Variants in EIF4E observed in about 807,000 individuals in gnomAD.
EIF4E encodes eukaryotic translation initiation factor 4E, also known as eIF-4F 25 kDa subunit.
For synonymous variants in EIF4E, 71 were observed against 88.5 expected, an observed-to-expected ratio of 0.80 and a Z score of 1.11; for missense variants, 113 against 265.6, an observed-to-expected ratio of 0.43 and a Z score of 3.99.
At chr4:98,889,340 G>A (rs72692634) in intron 3 of EIF4E, among the ~76,000 whole-genome samples, 2,050 of 152,002 alleles carry the variant, frequency 0.013, 15 homozygotes, top group Non-Finnish European at 0.018. Context: ...AAAAAAGACG[G>A]GATACTAAGT....
intron 1 of EIF4E, 80 bp from the exon 2 acceptor site, chr4:98,902,062 G>A: frequency 7.5e-7 from 1 of 1,337,684 alleles, no homozygotes; most frequent in Non-Finnish European, 1.1e-6. Context: ...AACCTGAACT[G>A]ATATGCTGAT....
chr4:98,924,919 A>G (rs1414456259), intron 1 of EIF4E, among the ~76,000 whole-genome samples: 1 of 152,150 alleles, frequency 6.6e-6, no homozygotes, highest in Non-Finnish European at 1.5e-5. Context: ...TTTTAATTGA[A>G]GAAATCTGGA....
chr4:98,898,543 G>A (rs1292972846), intron 2 of EIF4E, among the ~76,000 whole-genome samples: 3 of 151,628 alleles, frequency 2.0e-5, no homozygotes, highest in Non-Finnish European at 4.4e-5. Flanking sequence ...GGGAGGTGGA[G>A]GTCCAGCCTG....
intron 2 of EIF4E, chr4:98,895,272 C>A (rs1180716329): frequency 6.6e-6 from 1 of 152,182 alleles, no homozygotes; most frequent in Admixed American, 6.5e-5. Flanking sequence ...CACAAACCTT[C>A]AATTTATAGA....
intron 1 of EIF4E, among the ~76,000 whole-genome samples, chr4:98,927,166 AC>A (rs555711422): frequency 5.7e-4 from 87 of 152,342 alleles, no homozygotes; most frequent in African/African-American, 2.0e-3. Context: ...AAGTCAGTTA[AC>A]TGTAGCAACA....
intron 2 of EIF4E, among the ~76,000 whole-genome samples, chr4:98,893,510 T>C (rs759570385): frequency 1.3e-5 from 2 of 152,248 alleles, no homozygotes; most frequent in Non-Finnish European, 2.9e-5. Flanking sequence ...ACTTCAACAA[T>C]GTTCACAGCA....
At position 98,924,640 on chromosome 4, in the gene EIF4E, C is replaced by G. The variant is rs1223484146; in HGVS notation, c.18+4455G>C. On this transcript the variant is annotated intron_variant, in intron 1 of 6. Coordinates refer to ENST00000450253, the MANE Select transcript of EIF4E (RefSeq NM_001968.5). ...ATGGAGTCTTGCTCTGTCGCCCAGGCTGAAGTACAGTGGTACCATCTCGGT... is the reference window on the plus strand; with the variant it reads ...ATGGAGTCTTGCTCTGTCGCCCAGGGTGAAGTACAGTGGTACCATCTCGGT... Among the ~76,000 whole-genome samples, 10 of 151,902 alleles carry G rather than the reference C, an allele frequency of 6.6e-5. No homozygotes were observed. In the East Asian group the frequency reaches 1.4e-3, roughly 21 times the overall value.
intron 2 of EIF4E, among the ~76,000 whole-genome samples, chr4:98,896,292 A>G (rs1724385077): frequency 6.6e-6 from 1 of 151,068 alleles, no homozygotes; most frequent in Non-Finnish European, 1.5e-5. Flanking sequence ...GGATTGCTTG[A>G]GCCAAAGAGT....
intron 1 of EIF4E, among the ~76,000 whole-genome samples, chr4:98,906,717 A>C (rs1198200399): frequency 6.6e-6 from 1 of 152,158 alleles, no homozygotes; most frequent in East Asian, 1.9e-4. Context: ...TCTCTAAAAA[A>C]TTAAATGAAA....
intron 1 of EIF4E, among the ~76,000 whole-genome samples, chr4:98,919,923 A>G (rs1725573612): frequency 6.6e-6 from 1 of 152,210 alleles, no homozygotes; most frequent in Non-Finnish European, 1.5e-5. Context: ...GTGGTTAATT[A>G]TTAATATTAA....
At chr4:98,890,876 T>C (rs907955515) in intron 3 of EIF4E, 3 of 253,824 alleles carry the variant, frequency 1.2e-5, no homozygotes, top group Admixed American at 1.0e-4. Flanking sequence ...TGAAAACAGT[T>C]TGCAGAAATG....
At chr4:98,884,772 G>C (rs921742325) in intron 6 of EIF4E, 150 bp downstream of exon 6, 27 of 991,302 alleles carry the variant, frequency 2.7e-5, no homozygotes, top group Non-Finnish European at 4.1e-5. Context: ...CGCACCAATT[G>C]AGCCGTTCAA....
intron 1 of EIF4E, chr4:98,909,546 TA>T: frequency 1.6e-6 from 1 of 641,636 alleles, no homozygotes; most frequent in Non-Finnish European, 2.8e-6. Flanking sequence ...TTCAGGCTTC[TA>T]ACTCCACTGA....
intron 2 of EIF4E, among the ~76,000 whole-genome samples, chr4:98,899,992 CTT>C (rs77030786): frequency 9.9e-5 from 14 of 141,998 alleles, no homozygotes; most frequent in Admixed American, 1.4e-4. Flanking sequence ...AAGATTTAAA[CTT>C]TTTTTTTTTT....
intron 1 of EIF4E, among the ~76,000 whole-genome samples, chr4:98,919,605 C>G (rs1015702558): frequency 1.4e-5 from 2 of 146,612 alleles, no homozygotes; most frequent in African/African-American, 5.1e-5. Context: ...ATCACCCAGG[C>G]TGGCGTGCAG....
rs575907178 is a variant in EIF4E, at chr4:98,887,693, CCA to C, written c.285+194_285+195del. Among the ~76,000 whole-genome samples the C allele has an allele frequency of 1.8e-4, 27 of 152,140 alleles. No individual in the cohort carries two copies. The East Asian group carries it at 5.0e-3, about 28-fold the overall frequency. ...CATCAAAATCAATCTCAGTATGTGC[CCA>C]CAGAGTAACTCTCTCTCAATTTTTA... On this transcript the variant is annotated intron_variant, in intron 4 of 6. Coordinates refer to ENST00000450253, the MANE Select transcript of EIF4E (RefSeq NM_001968.5). The surrounding 1 kb of genome is among the most constrained non-coding windows in gnomAD (Gnocchi z 4.0).
intron 1 of EIF4E, 39 bp downstream of exon 1, chr4:98,929,056 C>G (rs2110234585): frequency 6.3e-7 from 1 of 1,575,914 alleles, no homozygotes; most frequent in South Asian, 1.2e-5. Flanking sequence ...AGACGGAGCG[C>G]GGGGACCCGT....
rs1363867515 is a variant in EIF4E, at chr4:98,901,908, T to C, written c.93A>G (p.Pro31=). The change falls in exon 2 of 7, where the codon CCA becomes CCG. Residue 31 remains proline, a synonymous_variant. Coordinates refer to ENST00000450253, the MANE Select transcript of EIF4E (RefSeq NM_001968.5). The stretch of plus-strand genomic sequence containing the variant: ...GTAGGGGATGTTTAATATAGTGTTC[T>C]GGGTTAGCAACCTCCTGATTAGATT... The part of the protein sequence containing the change: ...KTESNQEVAN[P]EHYIKHPLQN... 6 of 1,612,548 alleles carry C rather than the reference T, an allele frequency of 3.7e-6. No individual in the cohort carries two copies. The Middle Eastern group carries it at 6.2e-4, about 166-fold the overall frequency.
chr4:98,906,936 G>C (rs1724896648), intron 1 of EIF4E, among the ~76,000 whole-genome samples: 1 of 151,894 alleles, frequency 6.6e-6, no homozygotes, highest in Admixed American at 6.6e-5. Flanking sequence ...ATCACAATGG[G>C]GATTAAATGA....
Sources: gnomAD v4.1 joint callset for allele counts (sites outside exome capture counted in the v4.1 genomes callset) on GRCh38, gnomAD v4.1.1 for gene constraint, Gnocchi (gnomAD v3.1) non-coding constraint, MANE v1.5 for transcripts, NCBI Gene and HGNC (gene_info 2026-07-23, HGNC 2026-07-21) for gene names.